Variants in ARMC3 observed in about 807,000 individuals in gnomAD.
The protein encoded by ARMC3 is armadillo repeat-containing protein 3.
Under a neutral mutation model 90.3 loss-of-function variants are expected in ARMC3, and 74 were observed. The ratio of observed to expected loss-of-function variants is 0.82; its 90% CI spans 0.68 to 0.99. The LOEUF is 0.99. Among genes scored for constraint, ARMC3 ranks in the 50% least tolerant of loss-of-function variants. ARMC3 has a pLI of 0.00. For synonymous variants in ARMC3, 334 were observed against 361.8 expected (o/e 0.92, Z 0.87); for missense variants, 958 against 1,042.8 (o/e 0.92, Z 1.12).
intron 10 of ARMC3, among the ~76,000 whole-genome samples, chr10:22,995,736 T>G (rs1836918585): frequency 6.6e-6 from 1 of 152,208 alleles, no homozygotes; most frequent in South Asian, 2.1e-4. Flanking sequence ...CATGATCCAA[T>G]TTTTCTTCGT....
Position 23,037,547 on chromosome 10 carries a change from C to T in ARMC3, c.*68C>T. The T allele has an allele frequency of 7.9e-7, 1 of 1,266,106 alleles. No individual in the cohort carries two copies. Among genetic ancestry groups the T allele is most frequent in the Non-Finnish European group, 1.1e-6 (1 of 940,530 alleles). The allele number at this position is 1,266,106 out of a possible 1,614,324, so 78.4% of individuals were successfully genotyped here. On this transcript the variant is annotated 3_prime_UTR_variant, in exon 19 of 19. Coordinates refer to ENST00000298032, the MANE Select transcript of ARMC3 (RefSeq NM_173081.5). ...TGTGTACACTCTCTAAGACATTCTC[C>T]AAATTGATTTTATCTCTTTAAATAA... is the stretch of plus-strand genomic sequence containing the variant.
chr10:22,961,790 T>C (rs1835205299), intron 6 of ARMC3, 94 bp from the exon 7 acceptor site: 2 of 1,079,568 alleles, frequency 1.9e-6, no homozygotes, highest in South Asian at 1.7e-5. Context: ...GGGCAAATTA[T>C]AACTTATGTT....
At chr10:22,994,640 T>C (rs77631143) in intron 10 of ARMC3, among the ~76,000 whole-genome samples, 219 of 152,258 alleles carry the variant, frequency 1.4e-3, no homozygotes, top group African/African-American at 5.1e-3. Context: ...AATATGATTA[T>C]AATTTTAAAA....
rs1307270154 is a variant in ARMC3, at chr10:23,030,709, A to C, written c.2159A>C (p.Asp720Ala). 6.2e-7 allele frequency: 1 copy of C among 1,613,724 alleles called. No individual in the cohort carries two copies. The highest frequency in any genetic ancestry group is 1.3e-5 in the African/African-American group (1 of 74,904). ...SSDKEWCPPS[D>A]PDFSMYVYEV... is the part of the protein sequence containing the mutation. The stretch of plus-strand genomic sequence containing the variant: ...GACAAAGAATGGTGTCCTCCCTCTG[A>C]CCCTGATTTCTCTATGTATGTGTAT... Residue 720 changes from aspartate (D) to alanine (A), a missense_variant, in exon 17 of 19, where the codon GAC (aspartate) becomes GCC (alanine). By Grantham distance (126) the Asp-to-Ala change is moderately radical (BLOSUM62 -2). Transcript: ENST00000298032.
chr10:22,934,032 A>T (rs1034008757), intron 2 of ARMC3, among the ~76,000 whole-genome samples: 3 of 152,248 alleles, frequency 2.0e-5, no homozygotes, highest in African/African-American at 7.2e-5. Context: ...CTTGTTCCAG[A>T]ATATACCTCT....
In ARMC3 at chr10:23,037,374, T is replaced by C; in HGVS notation, c.2514T>C (p.Ile838=). ...AGAATGACTCTCGGAAGGGAGTGATTGGGGGCCTCCCCGCTCCTGAGATGT... is the reference window on the plus strand; with the variant it reads ...AGAATGACTCTCGGAAGGGAGTGATCGGGGGCCTCCCCGCTCCTGAGATGT... ...MLQNDSRKGV[I]GGLPAPEMYV... is the part of the protein sequence containing the mutation. The change falls in exon 19 of 19, where the codon ATT becomes ATC. Residue 838 remains isoleucine (I), a synonymous_variant. Transcript: ENST00000298032. 2 of 1,613,982 alleles carry C rather than the reference T, an allele frequency of 1.2e-6. No homozygotes were observed. Among genetic ancestry groups the C allele is most frequent in the Non-Finnish European group, 1.7e-6 (2 of 1,179,910 alleles).
intron 13 of ARMC3, among the ~76,000 whole-genome samples, chr10:23,005,077 G>GT (rs1214691609): frequency 2.0e-5 from 3 of 151,398 alleles, no homozygotes; most frequent in African/African-American, 7.3e-5. Context: ...GCCGGGCGTG[G>GT]TGGCGGGTGC....
At chr10:22,933,821 T>C (rs553449678) in intron 2 of ARMC3, among the ~76,000 whole-genome samples, 33 of 151,884 alleles carry the variant, frequency 2.2e-4, no homozygotes, top group Non-Finnish European at 4.1e-4. Context: ...GGAGGCGGAG[T>C]TTGCAGTGAG....
intron 4 of ARMC3, among the ~76,000 whole-genome samples, chr10:22,957,871 T>C (rs1191368073): frequency 6.6e-6 from 1 of 152,226 alleles, no homozygotes; most frequent in African/African-American, 2.4e-5. Context: ...TTATGTTTTA[T>C]TCTACTTACA....
At chr10:23,016,787 G>C (rs1166037003) in intron 16 of ARMC3, among the ~76,000 whole-genome samples, 1 of 152,162 alleles carries the variant, frequency 6.6e-6, no homozygotes, top group Non-Finnish European at 1.5e-5. Context: ...AGGTGTATCA[G>C]ATATTTTCTC....
intron 3 of ARMC3, among the ~76,000 whole-genome samples, chr10:22,951,948 G>A (rs781327887): frequency 2.0e-5 from 3 of 152,046 alleles, no homozygotes; most frequent in Non-Finnish European, 4.4e-5. Context: ...AGCCAACATG[G>A]TGAAACCCTG....
At chr10:22,948,040 G>A (rs1834607721) in intron 3 of ARMC3, among the ~76,000 whole-genome samples, 1 of 151,970 alleles carries the variant, frequency 6.6e-6, no homozygotes, top group South Asian at 2.1e-4. Context: ...AACTAAGATA[G>A]GGACAATTTT....
At chr10:23,026,766 A>G (rs1320163441) in intron 16 of ARMC3, among the ~76,000 whole-genome samples, 1 of 152,186 alleles carries the variant, frequency 6.6e-6, no homozygotes, top group Non-Finnish European at 1.5e-5. Context: ...ATACAATTTT[A>G]TCACGTGTAG....
intron 2 of ARMC3, among the ~76,000 whole-genome samples, chr10:22,939,259 G>C (rs1834227439): frequency 6.6e-6 from 1 of 152,190 alleles, no homozygotes; most frequent in South Asian, 2.1e-4. Context: ...GTACCAAAAA[G>C]AAGAGACCAA....
chr10:23,029,584 A>C (rs536051455), intron 16 of ARMC3, among the ~76,000 whole-genome samples: 7 of 152,224 alleles, frequency 4.6e-5, no homozygotes, highest in Non-Finnish European at 8.8e-5. Flanking sequence ...TAACTAAGGA[A>C]TATTCAAAAA....
chr10:23,008,681 A>G, intron 15 of ARMC3, 134 bp from the exon 16 acceptor site: 1 of 773,066 alleles, frequency 1.3e-6, no homozygotes, highest in Non-Finnish European at 2.1e-6. Flanking sequence ...TCATGGGGAA[A>G]GGAATCAAGT....
At chr10:23,015,189 C>A (rs7097036) in intron 16 of ARMC3, among the ~76,000 whole-genome samples, 12,492 of 152,130 alleles carry the variant, frequency 0.082, 597 homozygotes, top group Middle Eastern at 0.14. Context: ...CCTGATGAAT[C>A]TCATTACCAT....
chr10:22,972,155 G>T (rs1469750699), intron 8 of ARMC3, among the ~76,000 whole-genome samples: 1 of 152,138 alleles, frequency 6.6e-6, no homozygotes, highest in Non-Finnish European at 1.5e-5. Flanking sequence ...TTACTCTGTT[G>T]ATTGTGTGCT....
intron 2 of ARMC3, among the ~76,000 whole-genome samples, chr10:22,945,764 A>G (rs985070782): frequency 6.6e-6 from 1 of 152,192 alleles, no homozygotes; most frequent in Non-Finnish European, 1.5e-5. Context: ...AGTGCTTTAC[A>G]TACATGACCT....
Sources: gnomAD v4.1 joint callset for allele counts (sites outside exome capture counted in the v4.1 genomes callset) on GRCh38, gnomAD v4.1.1 for gene constraint, MANE v1.5 for transcripts, NCBI Gene and HGNC (gene_info 2026-07-23, HGNC 2026-07-21) for gene names.